The following USP42 variants were observed in gnomAD, a reference collection of about 807,000 sequenced individuals.
The protein encoded by USP42 is ubiquitin specific peptidase 42, also known as ubiquitin carboxyl-terminal hydrolase 42.
In USP42, 23 loss-of-function variants were observed where a neutral mutation model predicts 113.0. The observed-to-expected ratio is 0.20, with a 90% confidence interval of 0.15 to 0.29. The LOEUF (loss-of-function observed/expected upper bound fraction) is 0.29. Among genes scored for constraint, USP42 ranks in the 10% least tolerant of loss-of-function variants. The probability of loss-of-function intolerance (pLI) is 1.00; values close to 1 mark genes in which losing one functional copy is unlikely to be tolerated. For missense variants in USP42, 2,174 were observed against 1,779.8 expected (o/e 1.22, Z -3.99); for synonymous variants, 933 against 699.0 (o/e 1.33, Z -5.28).
In USP42 at chr7:6,154,388, T is replaced by C. The variant is rs868540909; in HGVS notation, c.2834T>C (p.Leu945Pro). The C allele has an allele frequency of 6.3e-7, 1 of 1,576,634 alleles. No individual in the cohort carries two copies. Among genetic ancestry groups the C allele is most frequent in the Non-Finnish European group, 8.6e-7 (1 of 1,162,984 alleles). ...CCAGCGAAGGAGAAAATCGGCAGCC[T>C]CAGAAAGGTGGACCGAGGCCACTAC... ...PSPAKEKIGS[L>P]RKVDRGHYRS... The change falls in exon 15 of 18, where the codon CTC becomes CCC. Residue 945 changes from leucine to proline, a missense_variant. By Grantham distance (98) the Leu-to-Pro change is moderately conservative (BLOSUM62 -3). Coordinates refer to ENST00000306177, the MANE Select transcript of USP42 (RefSeq NM_032172.3).
chr7:6,117,004 C>T (rs1330758473), intron 3 of USP42: 1 of 393,060 alleles, frequency 2.5e-6, no homozygotes, highest in Non-Finnish European at 5.0e-6. Flanking sequence ...CTTCCTCCCT[C>T]TCTTTCTCTC....
chr7:6,107,972 T>C (rs1779384522), intron 1 of USP42, among the ~76,000 whole-genome samples: 1 of 152,118 alleles, frequency 6.6e-6, no homozygotes, highest in Non-Finnish European at 1.5e-5. Context: ...AATCTTACCC[T>C]AGTTAAAAAT....
intron 15 of USP42, 33 bp from the exon 16 acceptor site, chr7:6,156,721 T>C (rs766087272): frequency 6.6e-7 from 1 of 1,511,252 alleles, no homozygotes; most frequent in Non-Finnish European, 8.8e-7. Flanking sequence ...TTTTGTGTTT[T>C]AGGGTTTTGA....
intron 3 of USP42, among the ~76,000 whole-genome samples, chr7:6,122,172 T>G (rs529808717): frequency 6.6e-6 from 1 of 152,222 alleles, no homozygotes; most frequent in African/African-American, 2.4e-5. Context: ...CTTAGGTCAT[T>G]TGATTTGAGA....
chr7:6,109,379 T>C (rs1236341770), intron 1 of USP42, among the ~76,000 whole-genome samples: 1 of 152,054 alleles, frequency 6.6e-6, no homozygotes, highest in African/African-American at 2.4e-5. Flanking sequence ...CTGAAAGGTG[T>C]TCTTTCTTCC....
chr7:6,123,946 G>T (rs1195862135), intron 3 of USP42, among the ~76,000 whole-genome samples: 1 of 151,508 alleles, frequency 6.6e-6, no homozygotes, highest in Non-Finnish European at 1.5e-5. Flanking sequence ...CATGATCTTG[G>T]CTCACTGGAA....
chr7:6,112,689 A>G (rs1252015157), intron 2 of USP42, among the ~76,000 whole-genome samples: 2 of 152,088 alleles, frequency 1.3e-5, no homozygotes, highest in Non-Finnish European at 2.9e-5. Flanking sequence ...ATGCAGCCCA[A>G]CACAAATCCG....
chr7:6,084,157 G>C, the USP42 span, among the ~76,000 whole-genome samples: 1 of 151,022 alleles, frequency 6.6e-6, no homozygotes, highest in Non-Finnish European at 1.5e-5. Flanking sequence ...CTCCTGAGTA[G>C]CTGGGACTAC....
chr7:6,135,914 C>T lies in USP42; in HGVS notation c.516C>T (p.Asp172=), dbSNP rs768775853. The T allele has an allele frequency of 8.1e-6, 13 of 1,607,682 alleles. No individual in the cohort carries two copies. Among genetic ancestry groups the T allele is most frequent in the Admixed American group, 6.7e-5 (4 of 59,434 alleles). ...HITQALSNPG[D]VIKPMFVINE... ...CCCAGGCACTCAGTAATCCTGGGGACGTTATTAAACCAATGTTTGTCATCA... is the reference window on the plus strand; with the variant it reads ...CCCAGGCACTCAGTAATCCTGGGGATGTTATTAAACCAATGTTTGTCATCA... The change falls in exon 4 of 18, where the codon GAC becomes GAT. Residue 172 remains aspartate, a synonymous_variant. Transcript: ENST00000306177.
chr7:6,154,229 C>T lies in USP42; in HGVS notation c.2675C>T (p.Ala892Val), dbSNP rs765261624. 5 of 1,606,436 alleles carry T rather than the reference C, an allele frequency of 3.1e-6. No homozygotes were observed. In the East Asian group the frequency reaches 1.1e-4, roughly 36 times the overall value. The change falls in exon 15 of 18, where the codon GCA becomes GTA. Residue 892 changes from alanine to valine, a missense_variant. Coordinates refer to ENST00000306177, the MANE Select transcript of USP42 (RefSeq NM_032172.3). The stretch of plus-strand genomic sequence containing the variant: ...CAGGACCCATCCCAGAGCTTGGGCG[C>T]ACCCGAGGCCGCAGAGCGGCCGCCA... ...DAQDPSQSLG[A>V]PEAAERPPAP...
chr7:6,102,567 C>T (rs1479611982), upstream of USP42, among the ~76,000 whole-genome samples: 3 of 150,438 alleles, frequency 2.0e-5, no homozygotes, highest in East Asian at 5.9e-4. Flanking sequence ...TCACAACCAA[C>T]CTGGGCAACA....
At position 6,159,348 on chromosome 7, in the gene USP42, C is replaced by G; in HGVS notation, c.3944-102C>G. 6.6e-7 allele frequency: 1 copy of G among 1,513,740 alleles called. No homozygotes were observed. Among genetic ancestry groups the G allele is most frequent in the Non-Finnish European group, 9.1e-7 (1 of 1,099,580 alleles). The allele number at this position is 1,513,740 out of a possible 1,614,324, so 93.8% of individuals were successfully genotyped here. On this transcript the variant is annotated intron_variant, in intron 16 of 17. Transcript: ENST00000306177. The surrounding 1 kb of genome is among the most constrained non-coding windows in gnomAD (Gnocchi z 4.1). Reference sequence around the variant, plus strand: ...GTGGCCTCAGGCGCTCACAGGGAACCGCAGTGACTCTGACCATAGCCACTT... The same window carrying G: ...GTGGCCTCAGGCGCTCACAGGGAACGGCAGTGACTCTGACCATAGCCACTT...
chr7:6,115,504 A>C lies in USP42; in HGVS notation c.423A>C (p.Ser141=), dbSNP rs192195116. ...CACCTCTTGCCAATTACATGCTATC[A>C]CATGAACACTCCAAAACATGTAAGT... ...YTPPLANYML[S]HEHSKTCHAE... The change falls in exon 3 of 18, where the codon TCA becomes TCC. Residue 141 remains serine, a synonymous_variant. Transcript: ENST00000306177. 10 of 1,613,952 alleles carry C rather than the reference A, an allele frequency of 6.2e-6. No homozygotes were observed. The highest frequency in any genetic ancestry group is 1.6e-4 in the Middle Eastern group (1 of 6,084).
At chr7:6,107,080 G>C (rs1583566356) in intron 1 of USP42, among the ~76,000 whole-genome samples, 1 of 152,196 alleles carries the variant, frequency 6.6e-6, no homozygotes, top group South Asian at 2.1e-4. Context: ...GATGGTTTTA[G>C]GTCAAGACTT....
chr7:6,090,757 C>CTATATATAT, the USP42 span, among the ~76,000 whole-genome samples: 4 of 144,726 alleles, frequency 2.8e-5, no homozygotes, highest in East Asian at 5.9e-4. Flanking sequence ...ATATTATATA[C>CTATATATAT]TATATATATT....
At chr7:6,148,629 C>T (rs962881866) in intron 12 of USP42, among the ~76,000 whole-genome samples, 5 of 152,138 alleles carry the variant, frequency 3.3e-5, no homozygotes, top group African/African-American at 4.8e-5. Flanking sequence ...CCTGTCGGGG[C>T]GAACAGTAGT....
chr7:6,152,545 G>A (rs549248105), intron 14 of USP42, among the ~76,000 whole-genome samples: 2 of 152,138 alleles, frequency 1.3e-5, no homozygotes, highest in African/African-American at 2.4e-5. Flanking sequence ...TTAGGAGGGC[G>A]TAGATATTAA....
chr7:6,109,194 G>T (rs1286518379), intron 1 of USP42, among the ~76,000 whole-genome samples: 1 of 152,124 alleles, frequency 6.6e-6, no homozygotes, highest in Non-Finnish European at 1.5e-5. Context: ...GGTTGGAAAA[G>T]AGTCGGAGAA....
rs1298297433 is a variant in USP42, at chr7:6,153,313, AAT to A, written c.2202-441_2202-440del. On this transcript the variant is annotated intron_variant, in intron 14 of 17. Transcript: ENST00000306177. ...AAAATGAAACAAAACAAAAAAAAAA[AAT>A]AGAGGAATTGGAAGAACTAGAGGGA... Among the ~76,000 whole-genome samples the A allele has an allele frequency of 2.0e-5, 3 of 151,972 alleles. No individual in the cohort carries two copies. In the East Asian group the frequency reaches 5.8e-4, roughly 29 times the overall value.
Sources: gnomAD v4.1 joint callset for allele counts (sites outside exome capture counted in the v4.1 genomes callset) on GRCh38, gnomAD v4.1.1 for gene constraint, Gnocchi (gnomAD v3.1) non-coding constraint, MANE v1.5 for transcripts, NCBI Gene and HGNC (gene_info 2026-07-23, HGNC 2026-07-21) for gene names.